SOS1: variants seen among roughly 807,000 people sequenced by gnomAD.
SOS1 encodes son of sevenless homolog 1.
In SOS1, 25 loss-of-function variants were observed where a neutral mutation model predicts 157.6. That is an observed-to-expected ratio of 0.16 (90% CI 0.12 to 0.22). SOS1 has a LOEUF of 0.22. Ranked by LOEUF, SOS1 falls within the 10% of genes least tolerant of loss-of-function variation. SOS1 has a pLI of 1.00. For missense variants in SOS1, 1,237 were observed against 1,599.1 expected, an observed-to-expected ratio of 0.77 and a Z score of 3.86; for synonymous variants, 528 against 534.0, an observed-to-expected ratio of 0.99 and a Z score of 0.16.
chr2:39,008,849 G>T (rs576906912), intron 15 of SOS1, among the ~76,000 whole-genome samples: 5 of 152,048 alleles, frequency 3.3e-5, no homozygotes, highest in African/African-American at 9.6e-5. Flanking sequence ...GGCTGGGGAA[G>T]GAGGAGCAGT....
intron 4 of SOS1, among the ~76,000 whole-genome samples, chr2:39,055,279 G>C (rs973811275): frequency 6.6e-6 from 1 of 152,110 alleles, no homozygotes; most frequent in African/African-American, 2.4e-5. Flanking sequence ...GAAGTCTACT[G>C]TTACTACTCT....
intron 17 of SOS1, among the ~76,000 whole-genome samples, chr2:38,998,976 G>GTA: frequency 6.6e-6 from 1 of 152,330 alleles, no homozygotes; most frequent in South Asian, 2.1e-4. Context: ...GGCTACTACA[G>GTA]TATAATTTGC....
chr2:39,002,530 A>G (rs935932467), intron 17 of SOS1, among the ~76,000 whole-genome samples: 2 of 152,124 alleles, frequency 1.3e-5, no homozygotes, highest in South Asian at 2.1e-4. Context: ...TAGCATGACT[A>G]TAAGCTAGGT....
intron 1 of SOS1, among the ~76,000 whole-genome samples, chr2:39,080,547 A>G (rs1253792762): frequency 6.6e-6 from 1 of 152,238 alleles, no homozygotes; most frequent in Non-Finnish European, 1.5e-5. Context: ...AAATTAAAAT[A>G]ATATTTTTCT....
In SOS1 at chr2:38,995,152, T is replaced by C. The variant is rs1406906239; in HGVS notation, c.3317A>G (p.Asp1106Gly). The change falls in exon 20 of 23, where the codon GAT becomes GGT. Residue 1106 changes from aspartate to glycine, a missense_variant. Physicochemically the swap from Asp to Gly is moderately conservative, Grantham distance 94. This residue lies in a region of SOS1 where 306 missense variants were observed against 322.6 expected (regional missense o/e 0.95). Coordinates refer to ENST00000402219, the MANE Select transcript of SOS1 (RefSeq NM_005633.4). Reference sequence around the variant, plus strand: ...GTGAAAAGGGCTCGAATGATCGGAATCAAATACACTGCAAACATCTGTGGT... The same window carrying C: ...GTGAAAAGGGCTCGAATGATCGGAACCAAATACACTGCAAACATCTGTGGT... ...SSTTDVCSVF[D>G]SDHSSPFHSS... is the part of the protein sequence containing the mutation. The C allele has an allele frequency of 1.2e-6, 2 of 1,613,908 alleles. No individual in the cohort carries two copies. The highest frequency in any genetic ancestry group is 2.7e-5 in the African/African-American group (2 of 74,918).
rs533891080 is a variant in SOS1 at position 38,982,414 on chromosome 2, G to A, written c.*3410C>T. On this transcript the variant is annotated 3_prime_UTR_variant, in exon 23 of 23. Coordinates refer to ENST00000402219, the MANE Select transcript of SOS1 (RefSeq NM_005633.4). ...TCAAAGAAGAAAAATATTGAATAAAGTCATCATGTTCCCTTATAAATAACT... is the reference window on the plus strand; with the variant it reads ...TCAAAGAAGAAAAATATTGAATAAAATCATCATGTTCCCTTATAAATAACT... The A allele has an allele frequency of 6.6e-6, 1 of 152,118 alleles. No homozygotes were observed. The highest frequency in any genetic ancestry group is 1.5e-5 in the Non-Finnish European group (1 of 68,004). The allele number at this position is 152,118 out of a possible 1,614,324, so 9.4% of individuals were successfully genotyped here. A position where few individuals can be genotyped will look rare whatever the true frequency, so the allele number is the denominator to read the frequency against.
At chr2:39,114,681 T>A (rs892136939) in intron 1 of SOS1, among the ~76,000 whole-genome samples, 2 of 152,058 alleles carry the variant, frequency 1.3e-5, no homozygotes, top group African/African-American at 4.8e-5. Flanking sequence ...CTCAGCTCAC[T>A]GAAGCCTCCA....
At chr2:39,038,759 G>C (rs1670450099) in intron 6 of SOS1, among the ~76,000 whole-genome samples, 1 of 37,792 alleles carries the variant, frequency 2.6e-5, no homozygotes, top group African/African-American at 1.0e-4. Context: ...GTCGTTTCTT[G>C]AGATGGAACC....
chr2:39,098,284 C>T lies in SOS1; in HGVS notation c.87+22052G>A. The T allele has an allele frequency of 1.2e-5, 3 of 260,384 alleles. No individual in the cohort carries two copies. The South Asian group carries it at 1.6e-4, about 13-fold the overall frequency. The allele number at this position is 260,384 out of a possible 1,614,324, so 16.1% of individuals were successfully genotyped here. On this transcript the variant is annotated intron_variant, in intron 1 of 22. Transcript: ENST00000402219. ...ACATGTTAACTGGTTAACTCTCCAC[C>T]CTTTACTTTAGAGTCTGATCCAACA...
At chr2:39,104,577 T>C (rs139685313) in intron 1 of SOS1, among the ~76,000 whole-genome samples, 7 of 152,216 alleles carry the variant, frequency 4.6e-5, no homozygotes, top group African/African-American at 1.4e-4. Flanking sequence ...CCACAGCGAA[T>C]TACAAAAACA....
At chr2:39,039,780 C>A (rs1021656308) in intron 6 of SOS1, among the ~76,000 whole-genome samples, 1 of 152,084 alleles carries the variant, frequency 6.6e-6, no homozygotes, top group Non-Finnish European at 1.5e-5. Context: ...ATTTTTATCA[C>A]CCCCTCAAAG....
chr2:39,095,787 G>A (rs965687469), intron 1 of SOS1, among the ~76,000 whole-genome samples: 1 of 152,190 alleles, frequency 6.6e-6, no homozygotes, highest in East Asian at 1.9e-4. Context: ...AATGAAGCAG[G>A]AAAATTATTT....
At chr2:39,003,066 C>CAAAAACAAAAAA (rs1553352634) in intron 17 of SOS1, among the ~76,000 whole-genome samples, 2 of 72,306 alleles carry the variant, frequency 2.8e-5, no homozygotes, top group African/African-American at 8.0e-5. Flanking sequence ...GACCTTGTAT[C>CAAAAACAAAAAA]AAAAAAAAAA....
At chr2:39,112,100 G>T (rs78905728) in intron 1 of SOS1, among the ~76,000 whole-genome samples, 10,146 of 152,050 alleles carry the variant, frequency 0.067, 451 homozygotes, top group East Asian at 0.19. Flanking sequence ...TTGAATCCAT[G>T]GAGCCCTAAT....
At chr2:38,987,267 A>C (rs1272081620) in intron 22 of SOS1, among the ~76,000 whole-genome samples, 1 of 152,180 alleles carries the variant, frequency 6.6e-6, no homozygotes, top group East Asian at 1.9e-4. Flanking sequence ...TTAGGTTTAC[A>C]AGGGTCTTGA....
intron 1 of SOS1, among the ~76,000 whole-genome samples, chr2:39,101,491 G>A (rs1672966314): frequency 6.6e-6 from 1 of 152,010 alleles, no homozygotes; most frequent in African/African-American, 2.4e-5. Context: ...TTTATGCATA[G>A]CATTATATGT....
intron 1 of SOS1, among the ~76,000 whole-genome samples, chr2:39,080,318 G>A (rs913578933): frequency 6.6e-5 from 10 of 152,016 alleles, no homozygotes; most frequent in African/African-American, 2.2e-4. Flanking sequence ...GAAAAGAGGC[G>A]GAGTTTTGGC....
chr2:39,052,101 A>C (rs917685500), intron 5 of SOS1, among the ~76,000 whole-genome samples: 1 of 152,186 alleles, frequency 6.6e-6, no homozygotes, highest in East Asian at 1.9e-4. Flanking sequence ...GACAACCACT[A>C]ATCTACTTTG....
At chr2:39,055,850 G>A (rs1010337644) in intron 4 of SOS1, among the ~76,000 whole-genome samples, 15 of 152,106 alleles carry the variant, frequency 9.9e-5, no homozygotes, top group Non-Finnish European at 2.9e-5. Flanking sequence ...AGAAAATTCT[G>A]GACCAATTTC....
Sources: gnomAD v4.1 joint callset for allele counts (sites outside exome capture counted in the v4.1 genomes callset) on GRCh38, gnomAD v4.1.1 for gene constraint, gnomAD v4.1.1 regional missense constraint, MANE v1.5 for transcripts, NCBI Gene and HGNC (gene_info 2026-07-23, HGNC 2026-07-21) for gene names.